SLC45A4: variants seen among roughly 807,000 people sequenced by gnomAD.
SLC45A4 encodes the protein polyamine-transporter SLC45A4.
In SLC45A4, 32 loss-of-function variants were observed where a neutral mutation model predicts 63.7. The observed-to-expected ratio is 0.50, with a 90% CI of 0.38 to 0.67. SLC45A4 has a LOEUF of 0.67. Among genes scored for constraint, SLC45A4 ranks in the 30% least tolerant of loss-of-function variants. The pLI is 0.00. For missense variants in SLC45A4, 1,027 were observed against 1,157.7 expected (o/e 0.89, Z 1.64); for synonymous variants, 535 against 510.0 (o/e 1.05, Z -0.66).
At chr8:141,251,501 C>T (rs977609290) in intron 2 of SLC45A4, among the ~76,000 whole-genome samples, 5 of 151,860 alleles carry the variant, frequency 3.3e-5, no homozygotes, top group East Asian at 2.0e-4. Flanking sequence ...GTCCACCCTC[C>T]GTGCCCTAGG....
rs192112853 is a variant in SLC45A4, at chr8:141,246,610, G to A, written c.241+7379C>T. Among the ~76,000 whole-genome samples the A allele has an allele frequency of 1.4e-3, 211 of 151,926 alleles. 1 individual carries two copies. Among genetic ancestry groups the A allele is most frequent in the Middle Eastern group, 0.01 (3 of 290 alleles). On this transcript the variant is annotated intron_variant, in intron 2 of 8. Coordinates refer to ENST00000517878, the MANE Select transcript of SLC45A4 (RefSeq NM_001286646.2). Reference sequence around the variant, plus strand: ...TTGGTTAACAGGAATTACTCAAGGGGAGGGCATTGCACAAGGCCGTGAAAG... The same window carrying A: ...TTGGTTAACAGGAATTACTCAAGGGAAGGGCATTGCACAAGGCCGTGAAAG...
intron 1 of SLC45A4, among the ~76,000 whole-genome samples, chr8:141,304,134 G>A (rs1275525732): frequency 6.6e-6 from 1 of 152,138 alleles, no homozygotes; most frequent in East Asian, 1.9e-4. Context: ...TCTAACTTAA[G>A]AGAAATCCCA....
chr8:141,298,846 A>C (rs1830648450), intron 1 of SLC45A4, among the ~76,000 whole-genome samples: 1 of 152,088 alleles, frequency 6.6e-6, no homozygotes, highest in Admixed American at 6.5e-5. Context: ...AGTCGAATCC[A>C]AGGCATGGAG....
At chr8:141,234,470 T>C (rs954155461) in intron 2 of SLC45A4, among the ~76,000 whole-genome samples, 1 of 152,202 alleles carries the variant, frequency 6.6e-6, no homozygotes, top group Non-Finnish European at 1.5e-5. Context: ...TGCTACCCCA[T>C]TTTGACATTT....
In SLC45A4 at chr8:141,211,497, G is replaced by A; in HGVS notation, c.*75C>T. 1 of 1,608,466 alleles carries A rather than the reference G, an allele frequency of 6.2e-7. No individual in the cohort carries two copies. ...AGCCTCCTCCCAGCTTTGGTGTGCGGTCGCTGCCCAAGGACAGGGCTGCCC... is the reference window on the plus strand; with the variant it reads ...AGCCTCCTCCCAGCTTTGGTGTGCGATCGCTGCCCAAGGACAGGGCTGCCC... On this transcript the variant is annotated 3_prime_UTR_variant, in exon 9 of 9. Coordinates refer to ENST00000517878, the MANE Select transcript of SLC45A4 (RefSeq NM_001286646.2).
In SLC45A4 at chr8:141,208,430, C is replaced by T. The variant is rs1182097951; in HGVS notation, c.*3142G>A. On this transcript the variant is annotated 3_prime_UTR_variant, in exon 9 of 9. Coordinates refer to ENST00000517878, the MANE Select transcript of SLC45A4 (RefSeq NM_001286646.2). The stretch of plus-strand genomic sequence containing the variant: ...TCTAGGTGGTCACAGACCAAGTCCT[C>T]CACACCTGGGGCATTCAAGAAACAC... 1 of 152,186 alleles carries T rather than the reference C, an allele frequency of 6.6e-6. No homozygotes were observed. The highest frequency in any genetic ancestry group is 1.5e-5 in the Non-Finnish European group (1 of 68,032). 9.4% of individuals were successfully genotyped at this position (152,186 alleles called of 1,614,324 possible). A position where few individuals can be genotyped will look rare whatever the true frequency, so the allele number is the denominator to read the frequency against.
In SLC45A4 at chr8:141,211,065, C is replaced by T. The variant is rs577618919; in HGVS notation, c.*507G>A. 8.4e-5 allele frequency: 15 copies of T among 178,156 alleles called. No individual in the cohort carries two copies. Among genetic ancestry groups the T allele is most frequent in the Non-Finnish European group, 1.6e-4 (14 of 85,220 alleles). The allele number at this position is 178,156 out of a possible 1,614,324, so 11.0% of individuals were successfully genotyped here. A position where few individuals can be genotyped will look rare whatever the true frequency, so the allele number is the denominator to read the frequency against. ...AGCAGGCGAGGAAGGCATGGAGTTC[C>T]GACAGGTTCCAGCACGCATGTCCCC... On this transcript the variant is annotated 3_prime_UTR_variant, in exon 9 of 9. Transcript: ENST00000517878.
At chr8:141,270,056 C>T (rs1046208361) in intron 1 of SLC45A4, among the ~76,000 whole-genome samples, 1 of 152,144 alleles carries the variant, frequency 6.6e-6, no homozygotes, top group Non-Finnish European at 1.5e-5. Flanking sequence ...CTTGCCCTGC[C>T]CTTCTCACAC....
intron 1 of SLC45A4, among the ~76,000 whole-genome samples, chr8:141,272,932 T>C (rs1480162009): frequency 6.6e-6 from 1 of 152,156 alleles, no homozygotes; most frequent in Non-Finnish European, 1.5e-5. Context: ...TTTCTAAAAT[T>C]TAAGGGTTAA....
intron 1 of SLC45A4, among the ~76,000 whole-genome samples, chr8:141,297,328 T>C (rs1589864734): frequency 1.3e-5 from 2 of 150,216 alleles, no homozygotes; most frequent in South Asian, 2.1e-4. Context: ...GCGGGGGAGG[T>C]AGGCCTGGGG....
intron 2 of SLC45A4, among the ~76,000 whole-genome samples, chr8:141,250,956 TG>T (rs1828438010): frequency 6.6e-6 from 1 of 152,192 alleles, no homozygotes; most frequent in African/African-American, 2.4e-5. Context: ...CAAGGTGTTG[TG>T]GAAGTATTAG....
chr8:141,270,483 G>A (rs1447080972), intron 1 of SLC45A4, among the ~76,000 whole-genome samples: 13 of 151,846 alleles, frequency 8.6e-5, no homozygotes, highest in Non-Finnish European at 1.5e-5. Flanking sequence ...AGACCAGCCT[G>A]GACAACATGG....
intron 1 of SLC45A4, among the ~76,000 whole-genome samples, chr8:141,282,287 T>C (rs1251494050): frequency 2.6e-5 from 4 of 152,212 alleles, no homozygotes; most frequent in Non-Finnish European, 4.4e-5. Flanking sequence ...CCTGACACTA[T>C]GCTCCTCCTG....
intron 7 of SLC45A4, among the ~76,000 whole-genome samples, chr8:141,213,575 G>A (rs1392966347): frequency 6.6e-6 from 1 of 152,272 alleles, no homozygotes; most frequent in Non-Finnish European, 1.5e-5. Context: ...CTAAAGGTGT[G>A]TGTGGAGGGA....
chr8:141,281,763 CTAA>C (rs1361422729), intron 1 of SLC45A4, among the ~76,000 whole-genome samples: 5 of 152,206 alleles, frequency 3.3e-5, no homozygotes, highest in Non-Finnish European at 7.3e-5. Flanking sequence ...AAAGAATCAT[CTAA>C]TAATGATGAT....
At chr8:141,270,536 TGGCACACTCCTGTAGTCCC>T (rs1829479838) in intron 1 of SLC45A4, among the ~76,000 whole-genome samples, 1 of 149,696 alleles carries the variant, frequency 6.7e-6, no homozygotes, top group South Asian at 2.1e-4. Context: ...CCAGGTGTGG[TGGCACACTCCTGTAGTCCC>T]AGCTACTCAG....
At position 141,215,912 on chromosome 8, in the gene SLC45A4, C is replaced by T; in HGVS notation, c.1788G>A (p.Leu596=). 1.9e-6 allele frequency: 3 copies of T among 1,614,138 alleles called. No individual in the cohort carries two copies. The highest frequency in any genetic ancestry group is 1.1e-5 in the South Asian group (1 of 91,086). ...TGCCGACAGAGAAGCCCAGCGTCCCCAGCACGTAGATCACCCTGACGCTCA... is the reference window on the plus strand; with the variant it reads ...TGCCGACAGAGAAGCCCAGCGTCCCTAGCACGTAGATCACCCTGACGCTCA... ...YDLSVRVIYV[L]GTLGFSVGTA... is the part of the protein sequence containing the mutation. Residue 596 remains leucine, a synonymous_variant, in exon 7 of 9, where the codon CTG becomes CTA. Transcript: ENST00000517878. This position sits in a 1 kb window ranked among gnomAD's most constrained non-coding sequence, Gnocchi z 4.3.
Position 141,219,808 on chromosome 8 carries a change from G to C in SLC45A4, c.452C>G (p.Pro151Arg), listed in dbSNP as rs1297844014. 1.3e-5 allele frequency: 20 copies of C among 1,588,684 alleles called. No individual in the cohort carries two copies. Among genetic ancestry groups the C allele is most frequent in the Middle Eastern group, 1.7e-4 (1 of 5,928 alleles). ...CACGATGCCAATGGGCTGCCGGTTG[G>C]GGACATCGCCGAGGGCCAGACCTGC... ...SAIGLALGDVPNRQPIGIVLT... is the reference protein window; with the variant it reads ...SAIGLALGDVRNRQPIGIVLT... The change falls in exon 4 of 9, where the codon CCC becomes CGC. Residue 151 changes from proline to arginine, a missense_variant. Physicochemically the swap from Pro to Arg is moderately radical, Grantham distance 103 (BLOSUM62 -2). Coordinates refer to ENST00000517878, the MANE Select transcript of SLC45A4 (RefSeq NM_001286646.2).
chr8:141,234,119 C>T (rs2154614379), intron 2 of SLC45A4, among the ~76,000 whole-genome samples: 1 of 152,380 alleles, frequency 6.6e-6, no homozygotes, highest in South Asian at 2.1e-4. Context: ...GCATCGCTCA[C>T]CTGAGGGAGT....
Sources: gnomAD v4.1 joint callset for allele counts (sites outside exome capture counted in the v4.1 genomes callset) on GRCh38, gnomAD v4.1.1 for gene constraint, Gnocchi (gnomAD v3.1) non-coding constraint, MANE v1.5 for transcripts, NCBI Gene and HGNC (gene_info 2026-07-23, HGNC 2026-07-21) for gene names.